CD37: variants seen among roughly 807,000 people sequenced by gnomAD.
CD37 encodes the protein CD37 molecule, also known as leukocyte antigen CD37.
A neutral mutation model predicts 38.9 loss-of-function variants in CD37; 37 were observed. The ratio of observed to expected loss-of-function variants is 0.95; its 90% confidence interval spans 0.73 to 1.25. The LOEUF is 1.25. Ranked by LOEUF, CD37 falls within the 50% of genes most tolerant of loss-of-function variation. The pLI is 0.00. For synonymous variants in CD37, 146 were observed against 150.1 expected, an observed-to-expected ratio of 0.97 and a Z score of 0.20; for missense variants, 351 against 360.1, an observed-to-expected ratio of 0.97 and a Z score of 0.20.
chr19:49,339,614 A>G lies in CD37; in HGVS notation c.768+201A>G, dbSNP rs1359499510. The G allele has an allele frequency of 7.0e-7, 1 of 1,436,168 alleles. No individual in the cohort carries two copies. Among genetic ancestry groups the G allele is most frequent in the South Asian group, 1.5e-5 (1 of 68,262 alleles). The allele number at this position is 1,436,168 out of a possible 1,614,324, so 89.0% of individuals were successfully genotyped here. On this transcript the variant is annotated intron_variant, in intron 7 of 7. Transcript: ENST00000323906. This position sits in a 1 kb window ranked among gnomAD's most constrained non-coding sequence, Gnocchi z 4.5. ...GCCCTGATTGGGTGTACGCAGGGAA[A>G]GCCTCCTGCTATTGGCTGCGATCTC...
rs763852796 is a variant in CD37, at chr19:49,339,439, G to C, written c.768+26G>C. On this transcript the variant is annotated intron_variant, in intron 7 of 7. Coordinates refer to ENST00000323906, the MANE Select transcript of CD37 (RefSeq NM_001774.3). The surrounding 1 kb of genome is among the most constrained non-coding windows in gnomAD (Gnocchi z 4.5). ...GTGATCTGGCCCCGCCCCCACCCGC[G>C]ATCGGCCCTAAATCCCTAGATGGCC... The C allele has an allele frequency of 1.2e-6, 2 of 1,604,006 alleles. No homozygotes were observed. The highest frequency in any genetic ancestry group is 4.5e-5 in the East Asian group (2 of 44,826).
rs1406501598 is a variant in CD37 at position 49,338,121 on chromosome 19, G to C, written c.447+92G>C. 1.3e-6 allele frequency: 2 copies of C among 1,525,042 alleles called. No individual in the cohort carries two copies. The highest frequency in any genetic ancestry group is 1.4e-5 in the African/African-American group (1 of 72,470). 94.5% of individuals were successfully genotyped at this position (1,525,042 alleles called of 1,614,324 possible). ...CACCCCAACGTGGGCCCGACCCCCAGCTCTACGATCCTAACACACCCCAAT... is the reference window on the plus strand; with the variant it reads ...CACCCCAACGTGGGCCCGACCCCCACCTCTACGATCCTAACACACCCCAAT... On this transcript the variant is annotated intron_variant, in intron 5 of 7. Transcript: ENST00000323906. This position sits in a 1 kb window ranked among gnomAD's most constrained non-coding sequence, Gnocchi z 5.0.
Position 49,338,758 on chromosome 19 carries a change from G to A in CD37, c.506G>A (p.Gly169Asp). 6.2e-7 allele frequency: 1 copy of A among 1,613,568 alleles called. No homozygotes were observed. The highest frequency in any genetic ancestry group is 1.3e-5 in the African/African-American group (1 of 75,062). The part of the protein sequence containing the change: ...QDWFQVLILR[G>D]NGSEAHRVPC... The stretch of plus-strand genomic sequence containing the variant: ...TGGTTCCAAGTCCTCATCCTGAGAG[G>A]TAACGGGTCGGAGGCGCACCGCGTG... Residue 169 changes from glycine to aspartate, a missense_variant, in exon 6 of 8, where the codon GGT becomes GAT. Gly to Asp is a moderately conservative substitution (Grantham distance 94). Transcript: ENST00000323906. This position sits in a 1 kb window ranked among gnomAD's most constrained non-coding sequence, Gnocchi z 5.0.
Position 49,339,704 on chromosome 19 carries a change from G to T in CD37, c.768+291G>T, listed in dbSNP as rs952098882. 1.2e-5 allele frequency: 17 copies of T among 1,403,564 alleles called. No individual in the cohort carries two copies. Among genetic ancestry groups the T allele is most frequent in the Non-Finnish European group, 1.6e-5 (17 of 1,084,326 alleles). The allele number at this position is 1,403,564 out of a possible 1,614,324, so 86.9% of individuals were successfully genotyped here. Reference sequence around the variant, plus strand: ...GTACAGCTACAGCGCAGGGCACTCCGCCGGAAATGCGAGCCGCACGTGCCG... The same window carrying T: ...GTACAGCTACAGCGCAGGGCACTCCTCCGGAAATGCGAGCCGCACGTGCCG... On this transcript the variant is annotated intron_variant, in intron 7 of 7. Coordinates refer to ENST00000323906, the MANE Select transcript of CD37 (RefSeq NM_001774.3). This position sits in a 1 kb window ranked among gnomAD's most constrained non-coding sequence, Gnocchi z 4.5.
In CD37 at chr19:49,339,191, G is replaced by A. The variant is rs1263047494; in HGVS notation, c.685-139G>A. Reference sequence around the variant, plus strand: ...GAAAAGGTGAAGCGAGGGTGCACTAGTAAGGAGACTAGAGTGCCCTGGTGA... The same window carrying A: ...GAAAAGGTGAAGCGAGGGTGCACTAATAAGGAGACTAGAGTGCCCTGGTGA... On this transcript the variant is annotated intron_variant, in intron 6 of 7. Transcript: ENST00000323906. This position sits in a 1 kb window ranked among gnomAD's most constrained non-coding sequence, Gnocchi z 4.5. 2 of 786,660 alleles carry A rather than the reference G, an allele frequency of 2.5e-6. No homozygotes were observed. The highest frequency in any genetic ancestry group is 4.3e-6 in the Non-Finnish European group (2 of 469,864). The allele number at this position is 786,660 out of a possible 1,614,324, so 48.7% of individuals were successfully genotyped here.
rs1199233955 is a variant in CD37, at chr19:49,339,878, G to C, written c.769-373G>C. 1 of 1,342,362 alleles carries C rather than the reference G, an allele frequency of 7.4e-7. No individual in the cohort carries two copies. The highest frequency in any genetic ancestry group is 9.6e-7 in the Non-Finnish European group (1 of 1,041,520). The allele number at this position is 1,342,362 out of a possible 1,614,324, so 83.2% of individuals were successfully genotyped here. A position where few individuals can be genotyped will look rare whatever the true frequency, so the allele number is the denominator to read the frequency against. On this transcript the variant is annotated intron_variant, in intron 7 of 7. Coordinates refer to ENST00000323906, the MANE Select transcript of CD37 (RefSeq NM_001774.3). The surrounding 1 kb of genome is among the most constrained non-coding windows in gnomAD (Gnocchi z 4.5). ...CAGGGCAAGCTGCCCATGGCCCTGG[G>C]GCTCTGGCCGCTGTGGGTTCAAGAC...
chr19:49,336,723 G>A (rs894833139), intron 2 of CD37, 186 bp from the exon 3 acceptor site: 1 of 591,454 alleles, frequency 1.7e-6, no homozygotes, highest in Non-Finnish European at 3.0e-6. Context: ...TCCAGGGACG[G>A]GAAACAGGCC....
Position 49,340,594 on chromosome 19 carries a change from G to GT in CD37, c.*271dup. 1.7e-6 allele frequency: 1 copy of GT among 584,400 alleles called. No homozygotes were observed. The highest frequency in any genetic ancestry group is 1.9e-5 in the African/African-American group (1 of 53,532). The allele number at this position is 584,400 out of a possible 1,614,324, so 36.2% of individuals were successfully genotyped here. On this transcript the variant is annotated 3_prime_UTR_variant, in exon 8 of 8. Coordinates refer to ENST00000323906, the MANE Select transcript of CD37 (RefSeq NM_001774.3). ...CCCAAACCTCAAATAAATCCCCTGCGTTTTTGGTAAAATAGCTTTATCCTC... is the reference window on the plus strand; with the variant it reads ...CCCAAACCTCAAATAAATCCCCTGCGTTTTTTGGTAAAATAGCTTTATCCTC...
chr19:49,339,382 T>G lies in CD37; in HGVS notation c.737T>G (p.Val246Gly). ...KWLHNNLISI[V>G]GICLGVGLLE... ...CTGCACAACAACCTTATTTCCATAG[T>G]GGGCATTTGCCTGGGCGTCGGCCTA... Residue 246 changes from valine (V) to glycine (G), a missense_variant, in exon 7 of 8, where the codon GTG becomes GGG. Transcript: ENST00000323906. The surrounding 1 kb of genome is among the most constrained non-coding windows in gnomAD (Gnocchi z 4.5). The G allele has an allele frequency of 6.2e-7, 1 of 1,614,014 alleles. No individual in the cohort carries two copies. Among genetic ancestry groups the G allele is most frequent in the Non-Finnish European group, 8.5e-7 (1 of 1,179,958 alleles).
In CD37 at chr19:49,338,678, C is replaced by G; in HGVS notation, c.448-22C>G. The G allele has an allele frequency of 1.9e-6, 3 of 1,572,960 alleles. No homozygotes were observed. In the South Asian group the frequency reaches 3.3e-5, roughly 17 times the overall value. On this transcript the variant is annotated intron_variant, in intron 5 of 7. Transcript: ENST00000323906. This position sits in a 1 kb window ranked among gnomAD's most constrained non-coding sequence, Gnocchi z 5.0. ...TCATATGTCTCCAGTCCCGGTCCCT[C>G]TGACTCGTATCCCTCTCCCAGCTGC...
In CD37 at chr19:49,336,954, T is replaced by C. The variant is rs954775089; in HGVS notation, c.188T>C (p.Ile63Thr). ...CAGATCTGGTCCAAAGTCCTGGCCA[T>C]CTCAGGAATCTTCACCATGGGCATC... ...PLQIWSKVLA[I>T]SGIFTMGIAL... Residue 63 changes from isoleucine (I) to threonine (T), a missense_variant, in exon 3 of 8, where the codon ATC becomes ACC. Physicochemically the swap from Ile to Thr is moderately conservative, Grantham distance 89. Transcript: ENST00000323906. 1.2e-6 allele frequency: 2 copies of C among 1,614,188 alleles called. No homozygotes were observed. Among genetic ancestry groups the C allele is most frequent in the Non-Finnish European group, 8.5e-7 (1 of 1,180,010 alleles).
Position 49,339,229 on chromosome 19 carries a change from G to C in CD37, c.685-101G>C. The stretch of plus-strand genomic sequence containing the variant: ...AGTGCCCTGGTGACTAGGGGAGCGG[G>C]TAGATGCCTGAAGACGGTGAGGGTT... On this transcript the variant is annotated intron_variant, in intron 6 of 7. Coordinates refer to ENST00000323906, the MANE Select transcript of CD37 (RefSeq NM_001774.3). This position sits in a 1 kb window ranked among gnomAD's most constrained non-coding sequence, Gnocchi z 4.5. 1 of 1,035,200 alleles carries C rather than the reference G, an allele frequency of 9.7e-7. No individual in the cohort carries two copies. Among genetic ancestry groups the C allele is most frequent in the Non-Finnish European group, 1.5e-6 (1 of 678,036 alleles). 64.1% of individuals were successfully genotyped at this position (1,035,200 alleles called of 1,614,324 possible). A position where few individuals can be genotyped will look rare whatever the true frequency, so the allele number is the denominator to read the frequency against.
chr19:49,337,003 C>T lies in CD37; in HGVS notation c.237C>T (p.Ala79=), dbSNP rs567113642. The change falls in exon 3 of 8, where the codon GCC becomes GCT. Residue 79 remains alanine, a synonymous_variant. Transcript: ENST00000323906. ...MGIALLGCVG[A]LKELRCLLGL... Reference sequence around the variant, plus strand: ...TCGCCCTCCTGGGTTGTGTGGGGGCCCTCAAGGAGCTCCGCTGCCTCCTGG... The same window carrying T: ...TCGCCCTCCTGGGTTGTGTGGGGGCTCTCAAGGAGCTCCGCTGCCTCCTGG... 1.7e-5 allele frequency: 28 copies of T among 1,613,728 alleles called. No individual in the cohort carries two copies. Among genetic ancestry groups the T allele is most frequent in the South Asian group, 9.9e-5 (9 of 91,044 alleles).
rs1970983521 is a variant in CD37, at chr19:49,337,072, T to C, written c.267+39T>C. On this transcript the variant is annotated intron_variant, in intron 3 of 7. Coordinates refer to ENST00000323906, the MANE Select transcript of CD37 (RefSeq NM_001774.3). ...CCCTCTCCGTCCCTAGGAACACTCCTATCCCCACCCTCAAAAATGGCCTGG... is the reference window on the plus strand; with the variant it reads ...CCCTCTCCGTCCCTAGGAACACTCCCATCCCCACCCTCAAAAATGGCCTGG... The C allele has an allele frequency of 2.5e-6, 4 of 1,613,824 alleles. No homozygotes were observed. In the South Asian group the frequency reaches 3.3e-5, roughly 13 times the overall value.
Position 49,339,458 on chromosome 19 carries a change from G to C in CD37, c.768+45G>C. 6.3e-7 allele frequency: 1 copy of C among 1,581,444 alleles called. No individual in the cohort carries two copies. The highest frequency in any genetic ancestry group is 8.7e-7 in the Non-Finnish European group (1 of 1,153,942). ...ACCCGCGATCGGCCCTAAATCCCTA[G>C]ATGGCCCTGCCCTTCATTTCGCGTC... is the stretch of plus-strand genomic sequence containing the variant. On this transcript the variant is annotated intron_variant, in intron 7 of 7. Coordinates refer to ENST00000323906, the MANE Select transcript of CD37 (RefSeq NM_001774.3). The surrounding 1 kb of genome is among the most constrained non-coding windows in gnomAD (Gnocchi z 4.5).
rs1600674279 is a variant in CD37, at chr19:49,337,996, G to A, written c.414G>A (p.Ala138=). The A allele has an allele frequency of 1.9e-6, 3 of 1,614,024 alleles. No individual in the cohort carries two copies. Among genetic ancestry groups the A allele is most frequent in the Non-Finnish European group, 2.5e-6 (3 of 1,179,980 alleles). The change falls in exon 5 of 8, where the codon GCG becomes GCA. Residue 138 remains alanine (A), a synonymous_variant. Transcript: ENST00000323906. ...ACGGCACCAACCCCGAGGAGACCGC[G>A]GCCGAGGAGAGCTGGGACTATGTGC... is the stretch of plus-strand genomic sequence containing the variant. ...QKYGTNPEET[A]AEESWDYVQF... is the part of the protein sequence containing the mutation.
chr19:49,336,270 TA>T (rs1970950955), intron 2 of CD37: 1 of 161,764 alleles, frequency 6.2e-6, no homozygotes, highest in African/African-American at 2.4e-5. Flanking sequence ...AAAATGACCC[TA>T]GGGGCCGGGC....
Position 49,337,058 on chromosome 19 carries a change from C to A in CD37, c.267+25C>A, listed in dbSNP as rs777971755. The A allele has an allele frequency of 9.9e-6, 16 of 1,613,410 alleles. No individual in the cohort carries two copies. The Admixed American group carries it at 2.7e-4, about 27-fold the overall frequency. ...GGTGAGTGCACCATCCCTCTCCGTC[C>A]CTAGGAACACTCCTATCCCCACCCT... On this transcript the variant is annotated intron_variant, in intron 3 of 7. Coordinates refer to ENST00000323906, the MANE Select transcript of CD37 (RefSeq NM_001774.3).
In CD37 at chr19:49,337,924, G is replaced by A; in HGVS notation, c.343-1G>A. ...GCCCAGCCTCACTGGTGGCCTCTCA[G>A]CTGGAGCGAAGCTTGCGGGACGTCG... On this transcript the variant is annotated splice_acceptor_variant, in intron 4 of 7. Coordinates refer to ENST00000323906, the MANE Select transcript of CD37 (RefSeq NM_001774.3). LOFTEE classifies it high-confidence loss of function. 1.2e-6 allele frequency: 2 copies of A among 1,614,080 alleles called. No individual in the cohort carries two copies. Among genetic ancestry groups the A allele is most frequent in the Non-Finnish European group, 1.7e-6 (2 of 1,179,998 alleles).
Sources: gnomAD v4.1 joint callset for allele counts on GRCh38, gnomAD v4.1.1 for gene constraint, Gnocchi (gnomAD v3.1) non-coding constraint, MANE v1.5 for transcripts, NCBI Gene and HGNC (gene_info 2026-07-23, HGNC 2026-07-21) for gene names.